The following SFMBT2 variants were observed in gnomAD, a reference collection of about 807,000 sequenced individuals.
SFMBT2 encodes the protein scm-like with four MBT domains protein 2.
Under a neutral mutation model 110.1 loss-of-function variants are expected in SFMBT2, and 38 were observed. That is an observed-to-expected ratio of 0.35 (90% CI 0.27 to 0.45). SFMBT2 has a LOEUF of 0.45. SFMBT2 is among the 20% of genes least tolerant of loss of function. SFMBT2 has a pLI of 1.00. For missense variants in SFMBT2, 1,011 were observed against 1,094.9 expected, an observed-to-expected ratio of 0.92 and a Z score of 1.08; for synonymous variants, 425 against 425.4, an observed-to-expected ratio of 1.00 and a Z score of 0.01.
chr10:7,332,189 G>C (rs1162042657), intron 4 of SFMBT2, among the ~76,000 whole-genome samples: 1 of 152,144 alleles, frequency 6.6e-6, no homozygotes, highest in Non-Finnish European at 1.5e-5. Flanking sequence ...GTTTATTGTA[G>C]GTTTCTACAG....
chr10:7,161,562 T>G lies in SFMBT2; in HGVS notation c.*2208A>C, dbSNP rs535226368. On this transcript the variant is annotated 3_prime_UTR_variant, in exon 21 of 21. Coordinates refer to ENST00000397167, the MANE Select transcript of SFMBT2 (RefSeq NM_001387889.1). ...CCGCAGAGAGTTCAAAACTTGAGCTTAAAGGAGAGATGCCCGGGGCAAGCC... is the reference window on the plus strand; with the variant it reads ...CCGCAGAGAGTTCAAAACTTGAGCTGAAAGGAGAGATGCCCGGGGCAAGCC... The G allele has an allele frequency of 6.6e-6, 1 of 151,986 alleles. No individual in the cohort carries two copies. The highest frequency in any genetic ancestry group is 1.5e-5 in the Non-Finnish European group (1 of 68,012). The allele number at this position is 151,986 out of a possible 1,614,324, so 9.4% of individuals were successfully genotyped here. A position where few individuals can be genotyped will look rare whatever the true frequency, so the allele number is the denominator to read the frequency against.
intron 4 of SFMBT2, among the ~76,000 whole-genome samples, chr10:7,312,755 C>A (rs575352890): frequency 6.6e-6 from 1 of 152,150 alleles, no homozygotes; most frequent in Non-Finnish European, 1.5e-5. Context: ...ACTGAACCCC[C>A]CAGAATAGAA....
In SFMBT2 at chr10:7,163,698, CAA is replaced by C. The variant is rs1455330423; in HGVS notation, c.*70_*71del. Reference sequence around the variant, plus strand: ...TACCATTTAACATATCCCGGAAAATCAAAGTTTCAGTCCTGGAAACCTTTACC... The same window carrying C: ...TACCATTTAACATATCCCGGAAAATCAGTTTCAGTCCTGGAAACCTTTACC... On this transcript the variant is annotated 3_prime_UTR_variant, in exon 21 of 21. Transcript: ENST00000397167. This position sits in a 1 kb window ranked among gnomAD's most constrained non-coding sequence, Gnocchi z 4.8. The C allele has an allele frequency of 2.1e-6, 3 of 1,396,446 alleles. No individual in the cohort carries two copies. The Admixed American group carries it at 5.6e-5, about 26-fold the overall frequency. 86.5% of individuals were successfully genotyped at this position (1,396,446 alleles called of 1,614,324 possible).
At chr10:7,273,243 C>G (rs1399950304) in intron 7 of SFMBT2, among the ~76,000 whole-genome samples, 1 of 152,222 alleles carries the variant, frequency 6.6e-6, no homozygotes, top group Non-Finnish European at 1.5e-5. Context: ...TCTTTGCAAC[C>G]TACGGACACA....
chr10:7,204,958 G>A, intron 12 of SFMBT2: 2 of 984,144 alleles, frequency 2.0e-6, no homozygotes, highest in Non-Finnish European at 2.4e-6. Flanking sequence ...GTTTACTGCT[G>A]GGTTAACTGT....
chr10:7,381,688 CAG>C, intron 2 of SFMBT2, 109 bp downstream of exon 2: 1 of 1,183,276 alleles, frequency 8.5e-7, no homozygotes, highest in Non-Finnish European at 1.2e-6. Context: ...TCCCAGGAAC[CAG>C]ACAGTATGTG....
At chr10:7,346,708 G>A (rs1335277471) in intron 4 of SFMBT2, among the ~76,000 whole-genome samples, 2 of 151,380 alleles carry the variant, frequency 1.3e-5, no homozygotes, top group Non-Finnish European at 2.9e-5. Flanking sequence ...GGTGGTGCAC[G>A]CCTGTAATCC....
chr10:7,206,725 CA>C (rs1839148918), intron 11 of SFMBT2: 10 of 730,134 alleles, frequency 1.4e-5, no homozygotes, highest in Non-Finnish European at 1.7e-5. Flanking sequence ...GATTTAACAG[CA>C]GCAAAAGTTT....
At chr10:7,345,211 A>G (rs1384684356) in intron 4 of SFMBT2, among the ~76,000 whole-genome samples, 1 of 152,114 alleles carries the variant, frequency 6.6e-6, no homozygotes, top group African/African-American at 2.4e-5. Context: ...GGGCTTATAA[A>G]AGACAAATTC....
intron 4 of SFMBT2, among the ~76,000 whole-genome samples, chr10:7,286,595 T>C (rs760630789): frequency 6.6e-6 from 1 of 152,240 alleles, no homozygotes; most frequent in Non-Finnish European, 1.5e-5. Context: ...AAAACTCCAA[T>C]GTAACAACTA....
intron 9 of SFMBT2, chr10:7,241,272 T>C: frequency 1.1e-6 from 1 of 920,506 alleles, no homozygotes; most frequent in Non-Finnish European, 1.3e-6. Context: ...TATGTCTTTA[T>C]GAGCAGCATG....
chr10:7,235,972 G>C (rs1840239595), intron 9 of SFMBT2, among the ~76,000 whole-genome samples: 1 of 152,120 alleles, frequency 6.6e-6, no homozygotes, highest in South Asian at 2.1e-4. Context: ...GCTCCAGATA[G>C]GTTTATAAGA....
At chr10:7,302,139 G>C (rs1236274035) in intron 4 of SFMBT2, among the ~76,000 whole-genome samples, 1 of 152,166 alleles carries the variant, frequency 6.6e-6, no homozygotes, top group East Asian at 1.9e-4. Context: ...TGCGGAAAAT[G>C]CCCTCTTAAT....
At chr10:7,330,063 G>A (rs1476808092) in intron 4 of SFMBT2, among the ~76,000 whole-genome samples, 1 of 152,148 alleles carries the variant, frequency 6.6e-6, no homozygotes, top group Non-Finnish European at 1.5e-5. Flanking sequence ...AAGACAACCT[G>A]TGGCCCCTGG....
chr10:7,370,786 C>T lies in SFMBT2; in HGVS notation c.101-411G>A, dbSNP rs76000956. Reference sequence around the variant, plus strand: ...GCTGTGATGTAGGCTGTGATGTATACAGAGAACAGCACTAATTGTTATAAA... The same window carrying T: ...GCTGTGATGTAGGCTGTGATGTATATAGAGAACAGCACTAATTGTTATAAA... On this transcript the variant is annotated intron_variant, in intron 2 of 20. Coordinates refer to ENST00000397167, the MANE Select transcript of SFMBT2 (RefSeq NM_001387889.1). 183 of 972,514 alleles carry T rather than the reference C, an allele frequency of 1.9e-4. 1 individual carries two copies. The East Asian group carries it at 0.018, about 96-fold the overall frequency. The allele number at this position is 972,514 out of a possible 1,614,324, so 60.2% of individuals were successfully genotyped here. A position where few individuals can be genotyped will look rare whatever the true frequency, so the allele number is the denominator to read the frequency against.
At chr10:7,383,140 A>C (rs549082372) in intron 1 of SFMBT2, among the ~76,000 whole-genome samples, 15 of 152,294 alleles carry the variant, frequency 9.8e-5, no homozygotes, top group African/African-American at 3.6e-4. Context: ...TATCAATGGG[A>C]TATTTTGTGA....
intron 1 of SFMBT2, among the ~76,000 whole-genome samples, chr10:7,405,920 G>A (rs1846199170): frequency 6.8e-6 from 1 of 146,152 alleles, no homozygotes; most frequent in South Asian, 2.2e-4. Flanking sequence ...TTGACTTCCT[G>A]GTTTGTTGTG....
At chr10:7,189,874 A>T (rs552476569) in intron 15 of SFMBT2, among the ~76,000 whole-genome samples, 47 of 152,340 alleles carry the variant, frequency 3.1e-4, no homozygotes, top group African/African-American at 1.1e-3. Flanking sequence ...CTTTTAATGG[A>T]GACTATTACA....
intron 1 of SFMBT2, among the ~76,000 whole-genome samples, chr10:7,384,094 C>G (rs1292615150): frequency 6.6e-6 from 1 of 151,344 alleles, no homozygotes; most frequent in Non-Finnish European, 1.5e-5. Flanking sequence ...GTCTGTAATC[C>G]CAGCTACTCG....
Sources: gnomAD v4.1 joint callset for allele counts (sites outside exome capture counted in the v4.1 genomes callset) on GRCh38, gnomAD v4.1.1 for gene constraint, Gnocchi (gnomAD v3.1) non-coding constraint, MANE v1.5 for transcripts, NCBI Gene and HGNC (gene_info 2026-07-23, HGNC 2026-07-21) for gene names.